Variants in MAP2K6 observed in about 807,000 individuals in gnomAD.
The protein encoded by MAP2K6 is mitogen-activated protein kinase kinase 6.
Under a neutral mutation model 53.7 loss-of-function variants are expected in MAP2K6, and 16 were observed. The ratio of observed to expected loss-of-function variants is 0.30; its 90% CI spans 0.20 to 0.45. MAP2K6 has a LOEUF of 0.45. Among genes scored for constraint, MAP2K6 ranks in the 20% least tolerant of loss-of-function variants. The pLI, the probability that MAP2K6 is intolerant of heterozygous loss-of-function variation, is 1.00. For synonymous variants in MAP2K6, 132 were observed against 143.1 expected, an observed-to-expected ratio of 0.92 and a Z score of 0.55; for missense variants, 204 against 411.9, an observed-to-expected ratio of 0.50 and a Z score of 4.37.
At chr17:69,502,116 C>T (rs1909200930) in intron 1 of MAP2K6, 10 of 949,922 alleles carry the variant, frequency 1.1e-5, no homozygotes, top group African/African-American at 1.8e-5. Context: ...TTTATTCCTC[C>T]AAGTCTGGTT....
chr17:69,543,953 A>G lies in MAP2K6; in HGVS notation c.*2200A>G, dbSNP rs1598326016. The G allele has an allele frequency of 6.6e-6, 1 of 152,166 alleles. No homozygotes were observed. The highest frequency in any genetic ancestry group is 1.9e-4 in the East Asian group (1 of 5,196). 9.4% of individuals were successfully genotyped at this position (152,166 alleles called of 1,614,324 possible). A position where few individuals can be genotyped will look rare whatever the true frequency, so the allele number is the denominator to read the frequency against. ...GGGAGCTGTGAACACTGTCGCTGCC[A>G]ATGTTCCAGCCACCAGAGATTTGGA... On this transcript the variant is annotated 3_prime_UTR_variant, in exon 12 of 12. Coordinates refer to ENST00000590474, the MANE Select transcript of MAP2K6 (RefSeq NM_002758.4).
At chr17:69,531,485 T>C (rs2715833) in intron 10 of MAP2K6, among the ~76,000 whole-genome samples, 100,483 of 152,032 alleles carry the variant, frequency 0.66, 34,054 homozygotes, top group African/African-American at 0.81. Context: ...CCCATCAGTA[T>C]TGATCACTGC....
intron 1 of MAP2K6, among the ~76,000 whole-genome samples, chr17:69,464,119 C>T (rs751177080): frequency 6.6e-6 from 1 of 152,044 alleles, no homozygotes. Flanking sequence ...CGGAGTCTCA[C>T]TCTTGCTCAG....
chr17:69,550,586 A>C lies in MAP2K6; in HGVS notation c.*8833A>C, dbSNP rs1448624640. On this transcript the variant is annotated 3_prime_UTR_variant, in exon 12 of 12. Coordinates refer to ENST00000590474, the MANE Select transcript of MAP2K6 (RefSeq NM_002758.4). ...TTTTTTATTTTATTTTATTTTTCTGATCTCAAGTTGTTTGTCCTGTTGTAT... is the reference window on the plus strand; with the variant it reads ...TTTTTTATTTTATTTTATTTTTCTGCTCTCAAGTTGTTTGTCCTGTTGTAT... 1 of 152,114 alleles carries C rather than the reference A, an allele frequency of 6.6e-6. No individual in the cohort carries two copies. The highest frequency in any genetic ancestry group is 1.5e-5 in the Non-Finnish European group (1 of 68,002). 9.4% of individuals were successfully genotyped at this position (152,114 alleles called of 1,614,324 possible).
intron 2 of MAP2K6, among the ~76,000 whole-genome samples, chr17:69,509,360 A>T (rs755078782): frequency 6.6e-6 from 1 of 152,172 alleles, no homozygotes; most frequent in African/African-American, 2.4e-5. Context: ...GCAAATTTTA[A>T]GTGGAATTTG....
At chr17:69,485,106 ATC>A (rs1908482571) in intron 1 of MAP2K6, 1 of 152,234 alleles carries the variant, frequency 6.6e-6, no homozygotes, top group East Asian at 1.9e-4. Context: ...GGTAAATTAT[ATC>A]TCAATAAAGG....
chr17:69,488,795 A>C (rs565372248), intron 1 of MAP2K6, among the ~76,000 whole-genome samples: 1 of 152,210 alleles, frequency 6.6e-6, no homozygotes, highest in African/African-American at 2.4e-5. Flanking sequence ...AAAGGGTTGC[A>C]TAACTAACTG....
intron 1 of MAP2K6, among the ~76,000 whole-genome samples, chr17:69,462,950 CTTTTTTT>C (rs10579616): frequency 6.4e-5 from 7 of 109,746 alleles, no homozygotes; most frequent in Non-Finnish European, 7.5e-5. Context: ...AATGACTTGT[CTTTTTTT>C]TTTTTTTTTT....
chr17:69,530,307 C>A (rs1243066270), intron 10 of MAP2K6, among the ~76,000 whole-genome samples: 1 of 151,662 alleles, frequency 6.6e-6, no homozygotes, highest in African/African-American at 2.4e-5. Context: ...AGAGCAAGAT[C>A]CTGCCAAAAT....
chr17:69,519,564 T>C, intron 5 of MAP2K6, 132 bp downstream of exon 5: 1 of 1,032,602 alleles, frequency 9.7e-7, no homozygotes, highest in Non-Finnish European at 1.4e-6. Context: ...GGTTTACGTG[T>C]GTGCAATGAT....
rs1911775977 is a variant in MAP2K6 at position 69,543,955 on chromosome 17, T to A, written c.*2202T>A. The A allele has an allele frequency of 6.6e-6, 1 of 152,208 alleles. No homozygotes were observed. The highest frequency in any genetic ancestry group is 2.4e-5 in the African/African-American group (1 of 41,450). 9.4% of individuals were successfully genotyped at this position (152,208 alleles called of 1,614,324 possible). ...GAGCTGTGAACACTGTCGCTGCCAA[T>A]GTTCCAGCCACCAGAGATTTGGATT... On this transcript the variant is annotated 3_prime_UTR_variant, in exon 12 of 12. Transcript: ENST00000590474.
At position 69,553,414 on chromosome 17, in the gene MAP2K6, G is replaced by T. The variant is rs898253160; in HGVS notation, c.*11661G>T. On this transcript the variant is annotated 3_prime_UTR_variant, in exon 12 of 12. Transcript: ENST00000590474. ...TTGTTCCACGGTTCATCTGGCTACC[G>T]TTCTGGGTCCCCTCTGACCACCTCA... 6.6e-6 allele frequency: 1 copy of T among 152,172 alleles called. No individual in the cohort carries two copies. Among genetic ancestry groups the T allele is most frequent in the South Asian group, 2.1e-4 (1 of 4,832 alleles). The allele number at this position is 152,172 out of a possible 1,614,324, so 9.4% of individuals were successfully genotyped here.
chr17:69,545,506 A>G lies in MAP2K6; in HGVS notation c.*3753A>G, dbSNP rs1911843160. ...TGGCTTGAAATTGTTTGTATTTTAC[A>G]GTTCTTGTATATCCTTCAAGCCTAA... On this transcript the variant is annotated 3_prime_UTR_variant, in exon 12 of 12. Coordinates refer to ENST00000590474, the MANE Select transcript of MAP2K6 (RefSeq NM_002758.4). 6.6e-6 allele frequency: 1 copy of G among 152,224 alleles called. No individual in the cohort carries two copies. The highest frequency in any genetic ancestry group is 6.5e-5 in the Admixed American group (1 of 15,278). The allele number at this position is 152,224 out of a possible 1,614,324, so 9.4% of individuals were successfully genotyped here. A position where few individuals can be genotyped will look rare whatever the true frequency, so the allele number is the denominator to read the frequency against.
intron 1 of MAP2K6, among the ~76,000 whole-genome samples, chr17:69,491,730 GTTATTATTA>G (rs55714549): frequency 7.0e-6 from 1 of 143,384 alleles, no homozygotes; most frequent in South Asian, 2.2e-4. Flanking sequence ...GCTGGCATCT[GTTATTATTA>G]TTATTATTAT....
chr17:69,502,430 C>T, intron 1 of MAP2K6: 1 of 985,386 alleles, frequency 1.0e-6, no homozygotes, highest in Non-Finnish European at 1.2e-6. Flanking sequence ...AAGCGAACTG[C>T]AGAGTGTTGC....
intron 1 of MAP2K6, chr17:69,485,438 G>A: frequency 1.0e-6 from 1 of 978,698 alleles, no homozygotes; most frequent in Non-Finnish European, 1.2e-6. Flanking sequence ...TTATCTCTAT[G>A]GAACATTGAC....
chr17:69,416,251 A>G (rs1905896173), intron 1 of MAP2K6, among the ~76,000 whole-genome samples: 4 of 152,168 alleles, frequency 2.6e-5, no homozygotes, highest in Non-Finnish European at 5.9e-5. Context: ...TGGGAGTCAT[A>G]TATCTCAGCA....
At chr17:69,462,037 G>A (rs1907638293) in intron 1 of MAP2K6, among the ~76,000 whole-genome samples, 1 of 152,198 alleles carries the variant, frequency 6.6e-6, no homozygotes, top group South Asian at 2.1e-4. Flanking sequence ...TGAGGTTTTA[G>A]TTCGCACTTG....
At chr17:69,465,733 C>T (rs1907776046) in intron 1 of MAP2K6, among the ~76,000 whole-genome samples, 1 of 151,510 alleles carries the variant, frequency 6.6e-6, no homozygotes, top group South Asian at 2.1e-4. Flanking sequence ...GATTTTCCTG[C>T]CTCAGCCTCC....
Sources: gnomAD v4.1 joint callset for allele counts (sites outside exome capture counted in the v4.1 genomes callset) on GRCh38, gnomAD v4.1.1 for gene constraint, MANE v1.5 for transcripts, NCBI Gene and HGNC (gene_info 2026-07-23, HGNC 2026-07-21) for gene names.